Variants in CSK observed in about 807,000 individuals in gnomAD.
The protein encoded by CSK is tyrosine-protein kinase CSK.
In CSK, 7 loss-of-function variants were observed where a neutral mutation model predicts 62.3. That is an observed-to-expected ratio of 0.11 (90% CI 0.06 to 0.21). CSK has a LOEUF of 0.21. Among genes scored for constraint, CSK ranks in the 10% least tolerant of loss-of-function variants. CSK has a pLI of 1.00. For missense variants in CSK, 294 were observed against 613.5 expected (o/e 0.48, Z 5.50); for synonymous variants, 237 against 246.0 (o/e 0.96, Z 0.34).
chr15:74,800,351 G>T, intron 5 of CSK, 61 bp from the exon 6 acceptor site: 1 of 1,486,828 alleles, frequency 6.7e-7, no homozygotes, highest in Non-Finnish European at 9.3e-7. Flanking sequence ...GGTCAGGCCT[G>T]GACGGTGCAT....
At position 74,798,966 on chromosome 15, in the gene CSK, G is replaced by T; in HGVS notation, c.242+28G>T. Reference sequence around the variant, plus strand: ...GAGTACCACGAGGAGGGGTTGGGGAGGGAAGGGGCCTTGGTCCTCCTGAAG... The same window carrying T: ...GAGTACCACGAGGAGGGGTTGGGGATGGAAGGGGCCTTGGTCCTCCTGAAG... On this transcript the variant is annotated intron_variant, in intron 4 of 12. Transcript: ENST00000220003. The surrounding 1 kb of genome is among the most constrained non-coding windows in gnomAD (Gnocchi z 6.6). 6.8e-7 allele frequency: 1 copy of T among 1,481,422 alleles called. No individual in the cohort carries two copies. Among genetic ancestry groups the T allele is most frequent in the Non-Finnish European group, 8.9e-7 (1 of 1,125,712 alleles). The allele number at this position is 1,481,422 out of a possible 1,614,324, so 91.8% of individuals were successfully genotyped here. A position where few individuals can be genotyped will look rare whatever the true frequency, so the allele number is the denominator to read the frequency against.
At chr15:74,788,198 G>T (rs971133657) in intron 1 of CSK, among the ~76,000 whole-genome samples, 2 of 152,174 alleles carry the variant, frequency 1.3e-5, no homozygotes, top group Non-Finnish European at 2.9e-5. Flanking sequence ...TGTGTCCCTC[G>T]ACAGGCTCTT....
chr15:74,786,917 C>T (rs571127774), intron 1 of CSK, among the ~76,000 whole-genome samples: 1 of 152,214 alleles, frequency 6.6e-6, no homozygotes, highest in Admixed American at 6.5e-5. Flanking sequence ...TGGAGTATCT[C>T]CTCCTCCCTG....
chr15:74,786,013 T>TTTTTGTGTGTGTA, intron 1 of CSK, among the ~76,000 whole-genome samples: 1 of 47,840 alleles, frequency 2.1e-5, no homozygotes, highest in East Asian at 4.3e-4. Context: ...TTTTTTTTTT[T>TTTTTGTGTGTGTA]TGTGTGTGTG....
rs1288118190 is a variant in CSK at position 74,788,585 on chromosome 15, C to T, written c.-66+5865C>T. 2.0e-5 allele frequency: 3 copies of T among 152,938 alleles called. No individual in the cohort carries two copies. In the Admixed American group the frequency reaches 2.0e-4, roughly 10 times the overall value. 9.5% of individuals were successfully genotyped at this position (152,938 alleles called of 1,614,324 possible). On this transcript the variant is annotated intron_variant, in intron 1 of 12. Transcript: ENST00000220003. ...TGCTGGAGGAGTGTACTGGTAACAC[C>T]CCCATCTCCCTTAAGTAGTAGCAAG... is the stretch of plus-strand genomic sequence containing the variant.
At position 74,798,234 on chromosome 15, in the gene CSK, T is replaced by C. The variant is rs1217803692; in HGVS notation, c.-64T>C. 1 of 1,526,058 alleles carries C rather than the reference T, an allele frequency of 6.6e-7. No individual in the cohort carries two copies. 94.5% of individuals were successfully genotyped at this position (1,526,058 alleles called of 1,614,324 possible). On this transcript the variant is annotated splice_region_variant and 5_prime_UTR_variant, in exon 2 of 13. Coordinates refer to ENST00000220003, the MANE Select transcript of CSK (RefSeq NM_004383.3). This position sits in a 1 kb window ranked among gnomAD's most constrained non-coding sequence, Gnocchi z 6.6. The stretch of plus-strand genomic sequence containing the variant: ...CAGTCTTCATGCTCTTCCCCACAGC[T>C]CTAATGGTACCAAGTGACAGGTTGG...
chr15:74,800,792 C>G lies in CSK; in HGVS notation c.623-31C>G, dbSNP rs376281033. 1.9e-6 allele frequency: 3 copies of G among 1,599,628 alleles called. No individual in the cohort carries two copies. In the African/African-American group the frequency reaches 4.0e-5, roughly 21 times the overall value. ...TGGGGGGGTTCTGAGGGACTCCGAA[C>G]TTGGGAACAAGACCACCTCTCTGCC... is the stretch of plus-strand genomic sequence containing the variant. On this transcript the variant is annotated intron_variant, in intron 7 of 12. Transcript: ENST00000220003.
At chr15:74,786,016 TGTG>T (rs2063516061) in intron 1 of CSK, among the ~76,000 whole-genome samples, 4 of 124,352 alleles carry the variant, frequency 3.2e-5, no homozygotes, top group East Asian at 2.2e-4. Flanking sequence ...TTTTTTTTTG[TGTG>T]TGTGTGTGTG....
intron 1 of CSK, among the ~76,000 whole-genome samples, chr15:74,784,968 C>T (rs983625994): frequency 5.9e-5 from 9 of 151,702 alleles, no homozygotes; most frequent in African/African-American, 1.7e-4. Context: ...GACACGTGGG[C>T]CAGAGCTAGG....
At chr15:74,791,722 A>G (rs1209458749) in intron 1 of CSK, among the ~76,000 whole-genome samples, 1 of 152,178 alleles carries the variant, frequency 6.6e-6, no homozygotes, top group Non-Finnish European at 1.5e-5. Context: ...TGACATTGAC[A>G]TGAAGAGTCC....
At position 74,800,944 on chromosome 15, in the gene CSK, G is replaced by A. The variant is rs750109281; in HGVS notation, c.722+22G>A. On this transcript the variant is annotated intron_variant, in intron 8 of 12. Transcript: ENST00000220003. ...TGACGTGAGTGGGGGCGGGGTAGGG[G>A]GGAGGTTGGCCTAGGTTAGGAGTGA... 2.5e-6 allele frequency: 4 copies of A among 1,612,770 alleles called. No individual in the cohort carries two copies. The South Asian group carries it at 3.3e-5, about 13-fold the overall frequency.
intron 11 of CSK, 30 bp downstream of exon 11, chr15:74,801,920 A>AGGT (rs753217499): frequency 1.9e-6 from 3 of 1,608,862 alleles, no homozygotes; most frequent in African/African-American, 2.7e-5. Flanking sequence ...GGGCCTACAG[A>AGGT]GGTGGGCAGG....
Position 74,798,204 on chromosome 15 carries a change from C to G in CSK, c.-65-29C>G. ...AGTTGGGGGGCATTTCTTCACACCCCTCCTCAGTCTTCATGCTCTTCCCCA... is the reference window on the plus strand; with the variant it reads ...AGTTGGGGGGCATTTCTTCACACCCGTCCTCAGTCTTCATGCTCTTCCCCA... On this transcript the variant is annotated intron_variant, in intron 1 of 12. Coordinates refer to ENST00000220003, the MANE Select transcript of CSK (RefSeq NM_004383.3). The surrounding 1 kb of genome is among the most constrained non-coding windows in gnomAD (Gnocchi z 6.6). 7.1e-7 allele frequency: 1 copy of G among 1,406,240 alleles called. No homozygotes were observed. Among genetic ancestry groups the G allele is most frequent in the Non-Finnish European group, 9.6e-7 (1 of 1,042,610 alleles). The allele number at this position is 1,406,240 out of a possible 1,614,324, so 87.1% of individuals were successfully genotyped here. A position where few individuals can be genotyped will look rare whatever the true frequency, so the allele number is the denominator to read the frequency against.
intron 1 of CSK, among the ~76,000 whole-genome samples, chr15:74,793,845 C>A (rs1051224967): frequency 3.9e-5 from 6 of 152,064 alleles, no homozygotes; most frequent in African/African-American, 1.4e-4. Context: ...TCCGCGCCCC[C>A]CTGTGGTGGC....
Position 74,785,842 on chromosome 15 carries a change from C to T in CSK, c.-66+3122C>T, listed in dbSNP as rs111363583. ...TGGCCAGTGCCCTTGCCTGCCTTCC[C>T]TTCTCCCCATTACCATATGATTGGC... On this transcript the variant is annotated intron_variant, in intron 1 of 12. Coordinates refer to ENST00000220003, the MANE Select transcript of CSK (RefSeq NM_004383.3). 3.5e-4 allele frequency among the ~76,000 whole-genome samples: 53 copies of T among 152,192 alleles called. 3 individuals carry two copies. The highest frequency in any genetic ancestry group is 1.3e-3 in the African/African-American group (52 of 41,536).
rs1374658257 is a variant in CSK at position 74,782,126 on chromosome 15, A to G, written c.-660A>G. Reference sequence around the variant, plus strand: ...TCGCCAGGCCTGCGAGCTTCCTCCCAGCGGAGCCCTGGGCGAGCCGAGGTT... The same window carrying G: ...TCGCCAGGCCTGCGAGCTTCCTCCCGGCGGAGCCCTGGGCGAGCCGAGGTT... On this transcript the variant is annotated 5_prime_UTR_variant, in exon 1 of 13. Transcript: ENST00000220003. The surrounding 1 kb of genome is among the most constrained non-coding windows in gnomAD (Gnocchi z 5.7). The G allele has an allele frequency of 3.4e-5, 5 of 148,136 alleles. No individual in the cohort carries two copies. The highest frequency in any genetic ancestry group is 6.7e-5 in the Admixed American group (1 of 14,828). The allele number at this position is 148,136 out of a possible 1,614,324, so 9.2% of individuals were successfully genotyped here.
chr15:74,799,224 G>A, intron 4 of CSK, 48 bp from the exon 5 acceptor site: 1 of 1,563,034 alleles, frequency 6.4e-7, no homozygotes, highest in African/African-American at 1.3e-5. Context: ...GGGGAGCCAG[G>A]GTCAGTACCT....
At chr15:74,786,587 ACT>A (rs1175922977) in intron 1 of CSK, among the ~76,000 whole-genome samples, 1 of 151,952 alleles carries the variant, frequency 6.6e-6, no homozygotes, top group African/African-American at 2.4e-5. Context: ...ACATCGGGAA[ACT>A]CATGTTAGCC....
At chr15:74,793,473 C>T (rs11631294) in intron 1 of CSK, among the ~76,000 whole-genome samples, 6,738 of 152,210 alleles carry the variant, frequency 0.044, 174 homozygotes, top group African/African-American at 0.078. Flanking sequence ...CAGGGAGGCA[C>T]GGGGCTATGG....
Sources: allele counts gnomAD v4.1 joint callset (sites outside exome capture counted in the v4.1 genomes callset), GRCh38; gene constraint gnomAD v4.1.1; non-coding constraint Gnocchi (gnomAD v3.1); transcripts MANE v1.5; gene names NCBI Gene and HGNC (gene_info 2026-07-23, HGNC 2026-07-21).